Variants in SIM2 observed in about 807,000 individuals in gnomAD.
The protein encoded by SIM2 is single-minded homolog 2.
A neutral mutation model predicts 64.8 loss-of-function variants in SIM2; 28 were observed. The ratio of observed to expected loss-of-function variants is 0.43; its 90% CI spans 0.32 to 0.59. SIM2 has a LOEUF of 0.59. SIM2 is among the 20% of genes least tolerant of loss of function. The probability of loss-of-function intolerance (pLI) is 0.07; values close to 1 mark genes in which losing one functional copy is unlikely to be tolerated. For synonymous variants in SIM2, 408 were observed against 391.1 expected, an observed-to-expected ratio of 1.04 and a Z score of -0.51; for missense variants, 847 against 871.4, an observed-to-expected ratio of 0.97 and a Z score of 0.35.
At chr21:36,702,522 GT>G (rs1440048370) in intron 1 of SIM2, among the ~76,000 whole-genome samples, 12 of 152,236 alleles carry the variant, frequency 7.9e-5, no homozygotes, top group Admixed American at 2.0e-4. Context: ...GGGCTGAGGA[GT>G]AGGGAAGCTG....
intron 8 of SIM2, among the ~76,000 whole-genome samples, chr21:36,742,463 C>T (rs1438313618): frequency 0.02 from 1 of 50 alleles, no homozygotes; most frequent in African/African-American, 0.083. Flanking sequence ...GCTATGTTGC[C>T]CAGGAGCTGG....
intron 5 of SIM2, among the ~76,000 whole-genome samples, chr21:36,723,990 A>G (rs1379052504): frequency 6.6e-6 from 1 of 152,200 alleles, no homozygotes; most frequent in East Asian, 1.9e-4. Flanking sequence ...ATAACCCATC[A>G]ATATGAGGCT....
chr21:36,712,819 T>A (rs1329552922), intron 3 of SIM2, among the ~76,000 whole-genome samples, 197 bp downstream of exon 3: 1 of 152,228 alleles, frequency 6.6e-6, no homozygotes, highest in Non-Finnish European at 1.5e-5. Context: ...ACTTTTTTAC[T>A]TTCTTTTTCC....
At chr21:36,713,384 G>A (rs1302055061) in intron 3 of SIM2, among the ~76,000 whole-genome samples, 1 of 152,182 alleles carries the variant, frequency 6.6e-6, no homozygotes, top group Non-Finnish European at 1.5e-5. Flanking sequence ...CCCATTGAAT[G>A]TCTGAAAGGG....
rs754616624 is a variant in SIM2 at position 36,744,714 on chromosome 21, T to G, written c.1168-14T>G. 5.1e-6 allele frequency: 8 copies of G among 1,576,634 alleles called. No individual in the cohort carries two copies. Among genetic ancestry groups the G allele is most frequent in the Middle Eastern group, 1.7e-4 (1 of 6,006 alleles). ...CCCCTCGCTGGCCCTTCATCCATCT[T>G]CTTTGCCATGCAGCAATACAGCTCG... On this transcript the variant is annotated splice_polypyrimidine_tract_variant and intron_variant, in intron 9 of 10. Coordinates refer to ENST00000290399, the MANE Select transcript of SIM2 (RefSeq NM_005069.6).
At position 36,747,713 on chromosome 21, in the gene SIM2, G is replaced by A. The variant is rs1440696534; in HGVS notation, c.1625G>A (p.Ser542Asn). ...RRFGEDTAPP[S>N]FPSCGHYREE... is the part of the protein sequence containing the mutation. The stretch of plus-strand genomic sequence containing the variant: ...TTCGGCGAGGACACCGCGCCCCCGA[G>A]CTTCCCGAGCTGCGGCCACTACCGC... The change falls in exon 11 of 11, where the codon AGC becomes AAC. Residue 542 changes from serine to asparagine, a missense_variant. By Grantham distance (46) the Ser-to-Asn change is conservative. Around this residue, in one of 3 missense-constraint regions of SIM2, gnomAD observed 447 missense variants for 414.6 expected, o/e 1.08. Transcript: ENST00000290399. This position sits in a 1 kb window ranked among gnomAD's most constrained non-coding sequence, Gnocchi z 4.5. The A allele has an allele frequency of 1.6e-6, 2 of 1,278,032 alleles. No homozygotes were observed. The highest frequency in any genetic ancestry group is 9.9e-7 in the Non-Finnish European group (1 of 1,010,302). The allele number at this position is 1,278,032 out of a possible 1,614,324, so 79.2% of individuals were successfully genotyped here.
At chr21:36,723,003 A>G in intron 4 of SIM2, 42 bp from the exon 5 acceptor site, 1 of 1,508,186 alleles carries the variant, frequency 6.6e-7, no homozygotes, top group Non-Finnish European at 9.2e-7. Flanking sequence ...TGGGGGAAGC[A>G]CGGAGGGACA....
chr21:36,718,654 G>A lies in SIM2; in HGVS notation c.349-1167G>A, dbSNP rs2088777589. ...GCTGGGCACTGGGACTCCCCTTGGT[G>A]GTGGAGGAAGTCCTACCACTGCCCC... On this transcript the variant is annotated intron_variant, in intron 3 of 10. Coordinates refer to ENST00000290399, the MANE Select transcript of SIM2 (RefSeq NM_005069.6). Among the ~76,000 whole-genome samples, 3 of 152,172 alleles carry A rather than the reference G, an allele frequency of 2.0e-5. No homozygotes were observed. In the South Asian group the frequency reaches 6.2e-4, roughly 32 times the overall value.
intron 7 of SIM2, among the ~76,000 whole-genome samples, chr21:36,733,695 G>C (rs2089004493): frequency 6.6e-6 from 1 of 151,990 alleles, no homozygotes; most frequent in Non-Finnish European, 1.5e-5. Context: ...AAGTAGCTGG[G>C]ACTACAGGCG....
At position 36,731,133 on chromosome 21, in the gene SIM2, C is replaced by T. The variant is rs368622558; in HGVS notation, c.832C>T (p.Arg278Cys). Residue 278 changes from arginine to cysteine, a missense_variant, in exon 7 of 11, where the codon CGC (arginine) becomes TGC (cysteine). Transcript: ENST00000290399. The stretch of plus-strand genomic sequence containing the variant: ...GCACGGCTGCGACGTGTTCCACCTC[C>T]GCTACGCACACCACCTCCGTGAGTA... ...HVHGCDVFHL[R>C]YAHHLLLVKG... The T allele has an allele frequency of 1.4e-5, 22 of 1,613,672 alleles. No individual in the cohort carries two copies. Among genetic ancestry groups the T allele is most frequent in the African/African-American group, 5.3e-5 (4 of 74,932 alleles).
chr21:36,725,073 C>G (rs1254094351), intron 5 of SIM2, among the ~76,000 whole-genome samples: 1 of 152,154 alleles, frequency 6.6e-6, no homozygotes, highest in Non-Finnish European at 1.5e-5. Flanking sequence ...GGGCAGGGCA[C>G]AGTGATTCAT....
rs780742769 is a variant in SIM2 at position 36,699,838 on chromosome 21, C to T, written c.92C>T (p.Ser31Leu). 1.2e-6 allele frequency: 2 copies of T among 1,611,014 alleles called. No individual in the cohort carries two copies. Among genetic ancestry groups the T allele is most frequent in the South Asian group, 1.1e-5 (1 of 90,306 alleles). ...CTTGCCAAGCTGCTCCCGCTGCCGT[C>T]GGCCATCACTTCGCAGCTGGACAAA... ...YELAKLLPLP[S>L]AITSQLDKAS... The change falls in exon 1 of 11, where the codon TCG becomes TTG. Residue 31 changes from serine to leucine, a missense_variant. Ser to Leu is a moderately radical substitution (Grantham distance 145). Around this residue, in one of 3 missense-constraint regions of SIM2, gnomAD observed 397 missense variants for 439.2 expected, o/e 0.90. Transcript: ENST00000290399. This position sits in a 1 kb window ranked among gnomAD's most constrained non-coding sequence, Gnocchi z 5.6.
At chr21:36,707,665 G>A (rs554316467) in intron 1 of SIM2, among the ~76,000 whole-genome samples, 9 of 151,936 alleles carry the variant, frequency 5.9e-5, no homozygotes, top group Non-Finnish European at 1.0e-4. Flanking sequence ...CTGGGCCGAG[G>A]TGCATTTTAC....
chr21:36,711,447 A>G (rs753050671), intron 2 of SIM2, among the ~76,000 whole-genome samples: 1 of 152,232 alleles, frequency 6.6e-6, no homozygotes, highest in Non-Finnish European at 1.5e-5. Context: ...AGGTAATGAT[A>G]GTTTAGTTGG....
intron 1 of SIM2, among the ~76,000 whole-genome samples, chr21:36,702,939 G>GGAAAA (rs2088524079): frequency 7.6e-6 from 1 of 131,122 alleles, no homozygotes; most frequent in African/African-American, 3.2e-5. Flanking sequence ...ACTCTGGGAG[G>GGAAAA]AAGAAAAAAA....
At chr21:36,715,533 G>T (rs931746996) in intron 3 of SIM2, among the ~76,000 whole-genome samples, 32 of 152,146 alleles carry the variant, frequency 2.1e-4, no homozygotes, top group African/African-American at 6.3e-4. Flanking sequence ...GATGAATAAC[G>T]ATAGTAGTAA....
intron 8 of SIM2, among the ~76,000 whole-genome samples, chr21:36,742,485 T>C (rs2089175356): frequency 6.6e-6 from 1 of 151,410 alleles, no homozygotes. Flanking sequence ...CTCGAACTCC[T>C]GGCTTCAAGT....
Position 36,709,497 on chromosome 21 carries a change from GCCACCTGAGACCTA to G in SIM2, c.258+249_258+262del, listed in dbSNP as rs984808439. 5.8e-5 allele frequency: 38 copies of G among 659,496 alleles called. No homozygotes were observed. In the African/African-American group the frequency reaches 6.8e-4, roughly 12 times the overall value. 40.9% of individuals were successfully genotyped at this position (659,496 alleles called of 1,614,324 possible). A position where few individuals can be genotyped will look rare whatever the true frequency, so the allele number is the denominator to read the frequency against. ...CGCCGAAGGCCCCAGGACTCCCCAG[GCCACCTGAGACCTA>G]CGCCAGGGGCGCCTCCCGAGCGTGG... On this transcript the variant is annotated intron_variant, in intron 2 of 10. Coordinates refer to ENST00000290399, the MANE Select transcript of SIM2 (RefSeq NM_005069.6).
rs2088454444 is a variant in SIM2, at chr21:36,699,634, G to A, written c.-113G>A. The A allele has an allele frequency of 8.0e-7, 1 of 1,251,054 alleles. No individual in the cohort carries two copies. The allele number at this position is 1,251,054 out of a possible 1,614,324, so 77.5% of individuals were successfully genotyped here. A position where few individuals can be genotyped will look rare whatever the true frequency, so the allele number is the denominator to read the frequency against. On this transcript the variant is annotated 5_prime_UTR_variant, in exon 1 of 11. Transcript: ENST00000290399. This position sits in a 1 kb window ranked among gnomAD's most constrained non-coding sequence, Gnocchi z 5.6. ...CCCGCACCTGCCCGCGGCCCACTCC[G>A]CGGACTCACCTGGCTCCCGGCTCCC... is the stretch of plus-strand genomic sequence containing the variant.
Sources: gnomAD v4.1 joint callset for allele counts (sites outside exome capture counted in the v4.1 genomes callset) on GRCh38, gnomAD v4.1.1 for gene constraint, gnomAD v4.1.1 regional missense constraint, Gnocchi (gnomAD v3.1) non-coding constraint, MANE v1.5 for transcripts, NCBI Gene and HGNC (gene_info 2026-07-23, HGNC 2026-07-21) for gene names.